Variants in MTR observed in about 807,000 individuals in gnomAD.
The protein encoded by MTR is 5-methyltetrahydrofolate-homocysteine methyltransferase.
MTR carries 84 observed loss-of-function variants against 154.8 expected under a neutral mutation model. The observed-to-expected ratio is 0.54, with a 90% CI of 0.45 to 0.65. MTR has a LOEUF of 0.65. MTR is among the 30% of genes least tolerant of loss of function. The pLI is 0.00. For missense variants in MTR, 1,275 were observed against 1,570.2 expected, an observed-to-expected ratio of 0.81 and a Z score of 3.18; for synonymous variants, 554 against 553.9, an observed-to-expected ratio of 1.00 and a Z score of 0.00.
rs183653511 is a variant in MTR at position 236,834,522 on chromosome 1, C to T, written c.1189-1025C>T. On this transcript the variant is annotated intron_variant, in intron 13 of 32. Coordinates refer to ENST00000366577, the MANE Select transcript of MTR (RefSeq NM_000254.3). Reference sequence around the variant, plus strand: ...AGTGTGATCCTTTTTCTCTATGTGGCCTTGGCTCACTACATGTGGTGTTTC... The same window carrying T: ...AGTGTGATCCTTTTTCTCTATGTGGTCTTGGCTCACTACATGTGGTGTTTC... Among the ~76,000 whole-genome samples, 2 of 152,226 alleles carry T rather than the reference C, an allele frequency of 1.3e-5. 1 individual carries two copies. Among genetic ancestry groups the T allele is most frequent in the East Asian group, 3.9e-4 (2 of 5,168 alleles).
chr1:236,807,228 C>T (rs1661036004), intron 3 of MTR, among the ~76,000 whole-genome samples: 1 of 152,118 alleles, frequency 6.6e-6, no homozygotes, highest in Non-Finnish European at 1.5e-5. Flanking sequence ...GGCTGGAGTG[C>T]AGTGGAGTGA....
intron 27 of MTR, among the ~76,000 whole-genome samples, chr1:236,887,152 T>C (rs1330589939): frequency 6.6e-6 from 1 of 152,206 alleles, no homozygotes; most frequent in Non-Finnish European, 1.5e-5. Flanking sequence ...TCCAAGGTAA[T>C]GTATCAAATC....
Position 236,894,388 on chromosome 1 carries a change from A to T in MTR, c.3236A>T (p.Tyr1079Phe). 2.5e-6 allele frequency: 4 copies of T among 1,614,206 alleles called. No homozygotes were observed. Among genetic ancestry groups the T allele is most frequent in the Non-Finnish European group, 3.4e-6 (4 of 1,180,040 alleles). Residue 1079 changes from tyrosine to phenylalanine, a missense_variant, in exon 30 of 33, where the codon TAC (tyrosine) becomes TTC (phenylalanine). Coordinates refer to ENST00000366577, the MANE Select transcript of MTR (RefSeq NM_000254.3). Reference sequence around the variant, plus strand: ...AAGGACTCTGCCAGCACGGAGCCATACTACTGCCTCTCAGACTTCATCGCT... The same window carrying T: ...AAGGACTCTGCCAGCACGGAGCCATTCTACTGCCTCTCAGACTTCATCGCT... ...AEKDSASTEP[Y>F]YCLSDFIAPL...
intron 8 of MTR, among the ~76,000 whole-genome samples, chr1:236,819,137 A>G (rs1226524114): frequency 1.3e-5 from 2 of 152,206 alleles, no homozygotes; most frequent in South Asian, 2.1e-4. Flanking sequence ...AGTTTACCTT[A>G]GGGTTCATTC....
intron 14 of MTR, 113 bp downstream of exon 14, chr1:236,835,800 T>C: frequency 7.1e-7 from 1 of 1,415,838 alleles, no homozygotes; most frequent in Non-Finnish European, 1.0e-6. Context: ...TTTCTGTTTC[T>C]CAACATCGAA....
In MTR at chr1:236,848,799, A is replaced by G. The variant is rs148688105; in HGVS notation, c.1516-1545A>G. 2.5e-3 allele frequency among the ~76,000 whole-genome samples: 376 copies of G among 152,280 alleles called. 2 individuals are homozygous for G. Among genetic ancestry groups the G allele is most frequent in the African/African-American group, 8.0e-3 (333 of 41,542 alleles). On this transcript the variant is annotated intron_variant, in intron 15 of 32. Coordinates refer to ENST00000366577, the MANE Select transcript of MTR (RefSeq NM_000254.3). ...GAGAGCGATTAAAGAGACCAAAGAA[A>G]ACAGTTGAAAAAGAATACCAAAGTA... is the stretch of plus-strand genomic sequence containing the variant.
chr1:236,861,097 C>CTTTTTTTTTTTTTTTTTTTTTTTTTTA, intron 19 of MTR, 28 bp from the exon 20 acceptor site: 1 of 1,156,660 alleles, frequency 8.6e-7, no homozygotes. Context: ...CTTTCTTTTT[C>CTTTTTTTTTTTTTTTTTTTTTTTTTTA]TTTTTTTTTT....
chr1:236,852,377 C>T (rs1663956433), intron 16 of MTR, 144 bp from the exon 17 acceptor site: 1 of 703,618 alleles, frequency 1.4e-6, no homozygotes, highest in Non-Finnish European at 2.5e-6. Flanking sequence ...TGGTCTATGT[C>T]TAGTAACAAG....
chr1:236,821,986 G>T (rs748485256), intron 8 of MTR, among the ~76,000 whole-genome samples: 1 of 152,146 alleles, frequency 6.6e-6, no homozygotes, highest in Non-Finnish European at 1.5e-5. Flanking sequence ...GAGTTGGGTA[G>T]GTCAGTCCTT....
intron 28 of MTR, among the ~76,000 whole-genome samples, chr1:236,890,764 T>C (rs150186972): frequency 6.6e-6 from 1 of 152,340 alleles, no homozygotes; most frequent in African/African-American, 2.4e-5. Flanking sequence ...CAGAGGTCAC[T>C]GCAAAGTCAG....
In MTR at chr1:236,806,170, C is replaced by A. The variant is rs763900581; in HGVS notation, c.276C>A (p.Ile92=). The change falls in exon 3 of 33, where the codon ATC becomes ATA. Residue 92 remains isoleucine (I), a synonymous_variant. Coordinates refer to ENST00000366577, the MANE Select transcript of MTR (RefSeq NM_000254.3). ...AATACTTGCTGGCTGGGGCAGATAT[C>A]ATTGAAACAAATACTTTTAGCAGCA... The part of the protein sequence containing the change: ...HKEYLLAGAD[I]IETNTFSSTS... 4.3e-6 allele frequency: 7 copies of A among 1,614,012 alleles called. No homozygotes were observed. The highest frequency in any genetic ancestry group is 5.9e-6 in the Non-Finnish European group (7 of 1,180,016).
At chr1:236,817,468 T>C (rs1341550118) in intron 8 of MTR, among the ~76,000 whole-genome samples, 4 of 152,228 alleles carry the variant, frequency 2.6e-5, no homozygotes, top group Admixed American at 1.3e-4. Flanking sequence ...GTAAGAGTAA[T>C]AGACATTTGT....
At chr1:236,894,618 G>A in intron 30 of MTR, 61 bp downstream of exon 30, 1 of 1,580,332 alleles carries the variant, frequency 6.3e-7, no homozygotes, top group Non-Finnish European at 8.7e-7. Flanking sequence ...GGGAGCCTGG[G>A]GTGGGTGCCT....
At position 236,897,308 on chromosome 1, in the gene MTR, A is replaced by ATGCGCGCGCGCGCGCGCGCGCG. The variant is rs57608445; in HGVS notation, c.3711+190_3711+191insTGCGCGCGCGCGCGCGCGCGCG. 7.0e-4 allele frequency among the ~76,000 whole-genome samples: 92 copies of ATGCGCGCGCGCGCGCGCGCGCG among 131,490 alleles called. 1 individual carries two copies. Among genetic ancestry groups the ATGCGCGCGCGCGCGCGCGCGCG allele is most frequent in the East Asian group, 2.5e-3 (11 of 4,408 alleles). The allele number at this position is 131,490 out of a possible 152,430, so 86.3% of individuals were successfully genotyped here. On this transcript the variant is annotated intron_variant, in intron 32 of 32. Transcript: ENST00000366577. The stretch of plus-strand genomic sequence containing the variant: ...TCACTTCTACATGCAAGCCACACAC[A>ATGCGCGCGCGCGCGCGCGCGCG]CGCACACACACACACACACACACAC...
intron 15 of MTR, among the ~76,000 whole-genome samples, chr1:236,844,507 T>C (rs978406654): frequency 4.8e-5 from 7 of 146,194 alleles, no homozygotes; most frequent in Non-Finnish European, 9.0e-5. Context: ...TGTGTGTAGA[T>C]GCTGTGACAA....
Position 236,826,734 on chromosome 1 carries a change from A to G in MTR, c.928-95A>G, listed in dbSNP as rs1243617154. ...CTCTCTTTTTAGTATAGTCTTAGTT[A>G]TTCAGGAAGTATAGACGGCTTTTAT... On this transcript the variant is annotated intron_variant, in intron 10 of 32. Coordinates refer to ENST00000366577, the MANE Select transcript of MTR (RefSeq NM_000254.3). 1.2e-5 allele frequency: 11 copies of G among 932,112 alleles called. No homozygotes were observed. In the South Asian group the frequency reaches 1.4e-4, roughly 12 times the overall value. The allele number at this position is 932,112 out of a possible 1,614,324, so 57.7% of individuals were successfully genotyped here.
chr1:236,836,824 A>G (rs1183910348), intron 14 of MTR, among the ~76,000 whole-genome samples: 1 of 152,206 alleles, frequency 6.6e-6, no homozygotes, highest in Non-Finnish European at 1.5e-5. Flanking sequence ...GGTATAGCCA[A>G]TTGTTTATCA....
At chr1:236,813,705 A>AG (rs1558280095) in intron 6 of MTR, among the ~76,000 whole-genome samples, 1 of 151,734 alleles carries the variant, frequency 6.6e-6, no homozygotes, top group Non-Finnish European at 1.5e-5. Context: ...CTTTTTTTCT[A>AG]TTGGACTTTG....
chr1:236,822,332 C>T (rs1662015374), intron 8 of MTR, among the ~76,000 whole-genome samples: 1 of 107,456 alleles, frequency 9.3e-6, no homozygotes. Context: ...TTTTTTGAGA[C>T]AGCATCTTGC....
Sources: gnomAD v4.1 joint callset for allele counts (sites outside exome capture counted in the v4.1 genomes callset) on GRCh38, gnomAD v4.1.1 for gene constraint, MANE v1.5 for transcripts, NCBI Gene and HGNC (gene_info 2026-07-23, HGNC 2026-07-21) for gene names.